Variants in SCNN1B observed in about 807,000 individuals in gnomAD.
The protein encoded by SCNN1B is sodium channel epithelial 1 subunit beta.
Under a neutral mutation model 65.3 loss-of-function variants are expected in SCNN1B, and 46 were observed. That is an observed-to-expected ratio of 0.70 (90% confidence interval 0.56 to 0.90). The LOEUF is 0.90. Among genes scored for constraint, SCNN1B ranks in the 40% least tolerant of loss-of-function variants. The pLI is 0.00. For missense variants in SCNN1B, 751 were observed against 830.5 expected (o/e 0.90, Z 1.18); for synonymous variants, 349 against 330.6 (o/e 1.06, Z -0.60).
At chr16:23,344,076 T>C (rs1962135961) in intron 1 of SCNN1B, among the ~76,000 whole-genome samples, 1 of 152,280 alleles carries the variant, frequency 6.6e-6, no homozygotes, top group Non-Finnish European at 1.5e-5. Context: ...CAACTTTTGC[T>C]ACCTGTAGTA....
chr16:23,378,346 G>T (rs918258276), intron 10 of SCNN1B, among the ~76,000 whole-genome samples: 1 of 152,226 alleles, frequency 6.6e-6, no homozygotes, highest in African/African-American at 2.4e-5. Flanking sequence ...GTCAGGGAAG[G>T]CCTCTCTGAA....
intron 1 of SCNN1B, among the ~76,000 whole-genome samples, chr16:23,278,663 T>A (rs1555480792): frequency 6.6e-6 from 1 of 151,876 alleles, no homozygotes; most frequent in Non-Finnish European, 1.5e-5. Context: ...AACATCTGAG[T>A]GCACTCAATG....
intron 1 of SCNN1B, among the ~76,000 whole-genome samples, chr16:23,316,024 CACCA>C (rs1961447777): frequency 6.6e-6 from 1 of 151,076 alleles, no homozygotes; most frequent in African/African-American, 2.4e-5. Flanking sequence ...TCCCCATCAT[CACCA>C]TCACCATCGC....
Position 23,291,068 on chromosome 16 carries a change from C to CT in SCNN1B, n.178+7277dup, listed in dbSNP as rs5816210. On this transcript the variant is annotated intron_variant and non_coding_transcript_variant, in intron 2 of 3. Transcript: ENST00000569789. Reference sequence around the variant, plus strand: ...ATTCTTCTTTACCACATTTTTTTTTCTTTTTTTTTTTTTGGCAGCATCTTG... The same window carrying CT: ...ATTCTTCTTTACCACATTTTTTTTTCTTTTTTTTTTTTTTGGCAGCATCTTG... 1.1e-3 allele frequency among the ~76,000 whole-genome samples: 152 copies of CT among 133,258 alleles called. 2 individuals carry two copies. Among genetic ancestry groups the CT allele is most frequent in the East Asian group, 0.011 (49 of 4,574 alleles). 87.4% of individuals were successfully genotyped at this position (133,258 alleles called of 152,430 possible).
intron 2 of SCNN1B, among the ~76,000 whole-genome samples, chr16:23,285,521 A>G (rs1960837871): frequency 6.6e-6 from 1 of 152,120 alleles, no homozygotes; most frequent in South Asian, 2.1e-4. Flanking sequence ...ATGGTGGCTT[A>G]TATGTGTAAT....
At chr16:23,365,557 G>GAGAA (rs71379673) in intron 4 of SCNN1B, among the ~76,000 whole-genome samples, 1,388 of 92,368 alleles carry the variant, frequency 0.015, 20 homozygotes, top group Non-Finnish European at 0.017. Flanking sequence ...AAGAAGGAAA[G>GAGAA]AGAAAGAAAG....
chr16:23,289,824 C>T (rs1401499214), intron 2 of SCNN1B, among the ~76,000 whole-genome samples: 3 of 151,740 alleles, frequency 2.0e-5, no homozygotes, highest in Non-Finnish European at 4.4e-5. Flanking sequence ...TACAGGCATG[C>T]GCCACCACGC....
intron 1 of SCNN1B, among the ~76,000 whole-genome samples, chr16:23,306,073 T>C (rs915290964): frequency 8.6e-5 from 13 of 152,018 alleles, no homozygotes; most frequent in Admixed American, 3.3e-4. Flanking sequence ...TGAAGCTCCA[T>C]CTCTAGTAAA....
intron 1 of SCNN1B, among the ~76,000 whole-genome samples, chr16:23,336,371 ATTTT>A (rs745716509): frequency 6.7e-5 from 9 of 134,544 alleles, no homozygotes; most frequent in Non-Finnish European, 9.6e-5. Flanking sequence ...AAGCAAGACG[ATTTT>A]TTTTTTTTTT....
At chr16:23,295,928 C>T (rs1044701057) in intron 2 of SCNN1B, among the ~76,000 whole-genome samples, 1 of 152,058 alleles carries the variant, frequency 6.6e-6, no homozygotes, top group Non-Finnish European at 1.5e-5. Flanking sequence ...TCTGAGCGAG[C>T]GGGAAGAGAA....
At chr16:23,314,107 C>T (rs1479347334) in intron 1 of SCNN1B, among the ~76,000 whole-genome samples, 1 of 152,164 alleles carries the variant, frequency 6.6e-6, no homozygotes, top group Non-Finnish European at 1.5e-5. Flanking sequence ...GCAGCCTCAA[C>T]ATCCCAGGCT....
chr16:23,323,128 G>A (rs911575710), intron 1 of SCNN1B, among the ~76,000 whole-genome samples: 11 of 152,016 alleles, frequency 7.2e-5, no homozygotes, highest in Admixed American at 2.0e-4. Context: ...AACCTGGGAG[G>A]CAGAGGTTGC....
chr16:23,343,633 A>AAG (rs1272442424), intron 1 of SCNN1B, among the ~76,000 whole-genome samples: 2 of 136,450 alleles, frequency 1.5e-5, no homozygotes, highest in African/African-American at 5.7e-5. Context: ...GAAAGAAAGA[A>AAG]AGAAAGAAAG....
Position 23,365,567 on chromosome 16 carries a change from G to GA in SCNN1B, c.777-2286dup, listed in dbSNP as rs758983644. ...AGAGAAAGAAGGAAAGAGAAAGAAA[G>GA]AAAGAAAGAAAGAAAGAAAGAGAAA... On this transcript the variant is annotated intron_variant, in intron 4 of 12. Coordinates refer to ENST00000343070, the MANE Select transcript of SCNN1B (RefSeq NM_000336.3). Among the ~76,000 whole-genome samples the GA allele has an allele frequency of 5.8e-3, 485 of 83,256 alleles. 7 individuals are homozygous for GA. The highest frequency in any genetic ancestry group is 0.043 in the South Asian group (119 of 2,758). 54.6% of individuals were successfully genotyped at this position (83,256 alleles called of 152,430 possible).
In SCNN1B at chr16:23,346,200, C is replaced by CTTTTTTTTTTTTTTTTTTTTTT. The variant is rs753802362; in HGVS notation, c.-8-2384_-8-2363dup. On this transcript the variant is annotated intron_variant, in intron 1 of 12. Coordinates refer to ENST00000343070, the MANE Select transcript of SCNN1B (RefSeq NM_000336.3). ...CCATGGAACACCCTTTTTTCCTTTT[C>CTTTTTTTTTTTTTTTTTTTTTT]TTTTTTTTTTTTTTTTTTTTTTTTT... Among the ~76,000 whole-genome samples the CTTTTTTTTTTTTTTTTTTTTTT allele has an allele frequency of 2.9e-4, 23 of 78,010 alleles. 3 individuals carry two copies. The highest frequency in any genetic ancestry group is 6.4e-4 in the African/African-American group (10 of 15,734). 51.2% of individuals were successfully genotyped at this position (78,010 alleles called of 152,430 possible). A position where few individuals can be genotyped will look rare whatever the true frequency, so the allele number is the denominator to read the frequency against.
chr16:23,371,978 C>A (rs773856004), intron 7 of SCNN1B, 95 bp downstream of exon 7: 13 of 936,038 alleles, frequency 1.4e-5, no homozygotes, highest in Admixed American at 1.8e-5. Context: ...CCCAGCAAGT[C>A]TGGCTCTGCT....
chr16:23,300,575 C>G (rs1596814024), upstream of SCNN1B, among the ~76,000 whole-genome samples: 8 of 151,850 alleles, frequency 5.3e-5, no homozygotes, highest in Admixed American at 5.2e-4. Context: ...ATGGCTCACA[C>G]CTGTTATCTC....
chr16:23,308,825 G>A (rs760135489), intron 1 of SCNN1B, among the ~76,000 whole-genome samples: 1 of 152,064 alleles, frequency 6.6e-6, no homozygotes, highest in African/African-American at 2.4e-5. Context: ...TAGAGATGGG[G>A]TTTCACCACG....
intron 4 of SCNN1B, among the ~76,000 whole-genome samples, chr16:23,359,577 G>A (rs1446906355): frequency 1.3e-5 from 2 of 151,956 alleles, no homozygotes; most frequent in Non-Finnish European, 2.9e-5. Context: ...CCCGGTGCTG[G>A]GCCACAGACA....
Sources: gnomAD v4.1 joint callset for allele counts (sites outside exome capture counted in the v4.1 genomes callset) on GRCh38, gnomAD v4.1.1 for gene constraint, MANE v1.5 for transcripts, NCBI Gene and HGNC (gene_info 2026-07-23, HGNC 2026-07-21) for gene names.